NEDD9: variants seen among roughly 807,000 people sequenced by gnomAD.
NEDD9 encodes the protein enhancer of filamentation 1.
A neutral mutation model predicts 76.6 loss-of-function variants in NEDD9; 26 were observed. That is an observed-to-expected ratio of 0.34 (90% confidence interval 0.25 to 0.47). The LOEUF (loss-of-function observed/expected upper bound fraction) is 0.47, where lower values mean the gene tolerates loss of function less well. Among genes scored for constraint, NEDD9 ranks in the 20% least tolerant of loss-of-function variants. The probability of loss-of-function intolerance (pLI) is 1.00; values close to 1 mark genes in which losing one functional copy is unlikely to be tolerated. For missense variants in NEDD9, 937 were observed against 1,058.5 expected (o/e 0.89, Z 1.59); for synonymous variants, 392 against 414.2 (o/e 0.95, Z 0.65).
intron 1 of NEDD9, among the ~76,000 whole-genome samples, chr6:11,345,951 G>A (rs763949270): frequency 7.2e-5 from 11 of 152,192 alleles, no homozygotes; most frequent in East Asian, 5.8e-4. Flanking sequence ...CTCTGTTTGC[G>A]TAAAAGCTCT....
chr6:11,200,302 A>G (rs547318857), intron 2 of NEDD9: 1 of 461,594 alleles, frequency 2.2e-6, no homozygotes, highest in Non-Finnish European at 4.3e-6. Context: ...CAGGGTTGCC[A>G]GAACAGCTCA....
rs183496827 is a variant in NEDD9 at position 11,380,160 on chromosome 6, G to T, written c.-214+1979C>A. The stretch of plus-strand genomic sequence containing the variant: ...TGGGAAATCAAAACTCAGAGTCTAA[G>T]GTCAAATGGAGATGGAGCTGATCAT... On this transcript the variant is annotated intron_variant, in intron 1 of 3. Coordinates refer to the NEDD9 transcript ENST00000397378. Among the ~76,000 whole-genome samples, 260 of 152,324 alleles carry T rather than the reference G, an allele frequency of 1.7e-3. 4 individuals are homozygous for T. Among genetic ancestry groups the T allele is most frequent in the Admixed American group, 0.017 (256 of 15,298 alleles).
chr6:11,379,186 C>T (rs571279413), intron 1 of NEDD9, among the ~76,000 whole-genome samples: 6 of 152,340 alleles, frequency 3.9e-5, no homozygotes, highest in East Asian at 1.9e-4. Context: ...GAGGAGCCTG[C>T]GTTCTAGTGG....
At chr6:11,234,594 T>G (rs778303788), upstream of NEDD9, among the ~76,000 whole-genome samples, 1 of 152,174 alleles carries the variant, frequency 6.6e-6, no homozygotes, top group Non-Finnish European at 1.5e-5. Context: ...AAGACACATG[T>G]AATCTACCCG....
At chr6:11,203,273 A>G (rs1029603557) in intron 2 of NEDD9, among the ~76,000 whole-genome samples, 2 of 152,212 alleles carry the variant, frequency 1.3e-5, no homozygotes, top group Non-Finnish European at 2.9e-5. Context: ...TGTTCTTTGA[A>G]AGAAAACTAT....
intron 2 of NEDD9, among the ~76,000 whole-genome samples, chr6:11,209,970 CTTT>C (rs752612102): frequency 7.6e-6 from 1 of 131,072 alleles, no homozygotes; most frequent in Admixed American, 8.2e-5. Context: ...AATTCACTGT[CTTT>C]TTTTTTTCCT....
rs137986667 is a variant in NEDD9, at chr6:11,371,417, C to G, written c.-214+10722G>C. Among the ~76,000 whole-genome samples, 20 of 152,312 alleles carry G rather than the reference C, an allele frequency of 1.3e-4. No individual in the cohort carries two copies. In the East Asian group the frequency reaches 3.3e-3, roughly 25 times the overall value. ...TTTCACTGCCCTCAAATCTTCCATG[C>G]CTCACCTATTCATCCCTCCCTCCTT... On this transcript the variant is annotated intron_variant, in intron 1 of 3. Transcript: ENST00000397378.
intron 3 of NEDD9, among the ~76,000 whole-genome samples, chr6:11,260,595 G>C (rs564803357): frequency 6.6e-6 from 1 of 152,168 alleles, no homozygotes; most frequent in African/African-American, 2.4e-5. Context: ...CATCCCACCC[G>C]TTGTCACTCC....
intron 2 of NEDD9, among the ~76,000 whole-genome samples, chr6:11,306,540 G>A (rs1305278524): frequency 6.6e-6 from 1 of 152,224 alleles, no homozygotes; most frequent in Non-Finnish European, 1.5e-5. Context: ...GTTTTGTATG[G>A]ATAGTAGAGG....
At chr6:11,296,223 G>A (rs1229021342) in intron 3 of NEDD9, among the ~76,000 whole-genome samples, 1 of 152,096 alleles carries the variant, frequency 6.6e-6, no homozygotes, top group African/African-American at 2.4e-5. Flanking sequence ...ATAAATTTCT[G>A]TTGTTTAAGC....
intron 2 of NEDD9, chr6:11,200,714 C>A: frequency 7.6e-7 from 1 of 1,312,064 alleles, no homozygotes; most frequent in Non-Finnish European, 9.7e-7. Context: ...AATTTCAAAC[C>A]AAAGCAGCAA....
At chr6:11,238,162 C>G (rs1424714379) in intron 3 of NEDD9, among the ~76,000 whole-genome samples, 3 of 152,136 alleles carry the variant, frequency 2.0e-5, no homozygotes, top group African/African-American at 7.2e-5. Context: ...TGTTTACAAG[C>G]AGGAGTCCAT....
At chr6:11,364,458 G>T (rs919109290) in intron 1 of NEDD9, among the ~76,000 whole-genome samples, 1 of 152,118 alleles carries the variant, frequency 6.6e-6, no homozygotes, top group African/African-American at 2.4e-5. Context: ...TCCCCCCAAA[G>T]GTGTGTGACA....
At chr6:11,344,948 G>C (rs2113526669) in intron 1 of NEDD9, among the ~76,000 whole-genome samples, 1 of 152,236 alleles carries the variant, frequency 6.6e-6, no homozygotes, top group East Asian at 1.9e-4. Context: ...CCCTTCTGCT[G>C]GTTAAAATTA....
chr6:11,189,371 A>C (rs1405251070), intron 5 of NEDD9, among the ~76,000 whole-genome samples: 2 of 152,154 alleles, frequency 1.3e-5, no homozygotes, highest in Non-Finnish European at 2.9e-5. Flanking sequence ...TACACAGATT[A>C]AGCTCCTAGG....
intron 3 of NEDD9, among the ~76,000 whole-genome samples, chr6:11,254,425 G>A (rs1759965163): frequency 6.6e-6 from 1 of 152,134 alleles, no homozygotes; most frequent in African/African-American, 2.4e-5. Context: ...TTCTGAAGCT[G>A]AAGCTTAAAT....
At chr6:11,369,015 A>G (rs1762814572) in intron 1 of NEDD9, among the ~76,000 whole-genome samples, 1 of 152,246 alleles carries the variant, frequency 6.6e-6, no homozygotes, top group Non-Finnish European at 1.5e-5. Context: ...TCCTTTGTGC[A>G]GATGAGAAAC....
chr6:11,200,273 T>G (rs2113735276), intron 2 of NEDD9: 1 of 457,506 alleles, frequency 2.2e-6, no homozygotes, highest in Admixed American at 2.4e-5. Flanking sequence ...AAACCCACCC[T>G]TGCACAGGCT....
chr6:11,340,176 C>A (rs1463544785), intron 1 of NEDD9, among the ~76,000 whole-genome samples: 1 of 152,190 alleles, frequency 6.6e-6, no homozygotes, highest in African/African-American at 2.4e-5. Context: ...CCTCCTTATG[C>A]AAGAGCTGAC....
Sources: allele counts gnomAD v4.1 joint callset (sites outside exome capture counted in the v4.1 genomes callset), GRCh38; gene constraint gnomAD v4.1.1; transcripts MANE v1.5; gene names NCBI Gene and HGNC (gene_info 2026-07-23, HGNC 2026-07-21).